SLC71A2: variants seen among roughly 807,000 people sequenced by gnomAD.
The protein encoded by SLC71A2 is solute carrier family 71 member 2.
At chr9:94,392,025 C>T in the SLC71A2 span, among the ~76,000 whole-genome samples, 23,018 of 152,084 alleles carry the variant, frequency 0.15, 2,410 homozygotes, top group Non-Finnish European at 0.22. Flanking sequence ...CCCCCCACCC[C>T]CTTTATTTTT....
the SLC71A2 span, chr9:94,456,342 G>T: frequency 6.2e-7 from 1 of 1,610,534 alleles, no homozygotes; most frequent in Non-Finnish European, 8.5e-7. Context: ...AGCAAGGTGA[G>T]GTCACTGCCC....
At chr9:94,390,474 A>G in the SLC71A2 span, among the ~76,000 whole-genome samples, 25 of 151,090 alleles carry the variant, frequency 1.7e-4, no homozygotes, top group African/African-American at 6.1e-4. Flanking sequence ...TATGTTTGTG[A>G]GCATTTTTTG....
chr9:94,458,488 T>G, the SLC71A2 span: 104 of 1,610,894 alleles, frequency 6.5e-5, 1 homozygote, highest in Non-Finnish European at 8.5e-5. Context: ...AAGTCTAGTT[T>G]TGTAACAACA....
chr9:94,405,367 C>T, the SLC71A2 span, among the ~76,000 whole-genome samples: 1 of 151,882 alleles, frequency 6.6e-6, no homozygotes, highest in African/African-American at 2.4e-5. Flanking sequence ...TGGTGGCGGG[C>T]GCCTGTAGTC....
the SLC71A2 span, among the ~76,000 whole-genome samples, chr9:94,389,707 A>G: frequency 1.4e-4 from 22 of 152,094 alleles, no homozygotes; most frequent in African/African-American, 5.3e-4. Flanking sequence ...CCTGGGCTTA[A>G]GTGATTCTCT....
the SLC71A2 span, among the ~76,000 whole-genome samples, chr9:94,402,985 T>TC: frequency 6.6e-6 from 1 of 152,170 alleles, no homozygotes; most frequent in African/African-American, 2.4e-5. Context: ...TAGAATTTTT[T>TC]CATCATCCCA....
the SLC71A2 span, among the ~76,000 whole-genome samples, chr9:94,383,961 A>G: frequency 6.6e-6 from 1 of 152,228 alleles, no homozygotes; most frequent in Non-Finnish European, 1.5e-5. Flanking sequence ...TTGCCAGCAT[A>G]TAGAAATACG....
At chr9:94,441,111 G>A in the SLC71A2 span, 8 of 1,412,500 alleles carry the variant, frequency 5.7e-6, no homozygotes, top group Non-Finnish European at 7.9e-6. Context: ...TAAGATAATA[G>A]ACTATATATA....
the SLC71A2 span, among the ~76,000 whole-genome samples, chr9:94,430,373 C>T: frequency 6.6e-6 from 1 of 152,034 alleles, no homozygotes; most frequent in Non-Finnish European, 1.5e-5. Flanking sequence ...CAGGTGCCCA[C>T]CACTACGCTC....
chr9:94,400,102 G>A, the SLC71A2 span, among the ~76,000 whole-genome samples: 2 of 151,946 alleles, frequency 1.3e-5, no homozygotes, highest in African/African-American at 2.4e-5. Context: ...GAGCCACTGC[G>A]CCCGGCCAGA....
chr9:94,458,343 C>G, the SLC71A2 span: 4 of 1,610,456 alleles, frequency 2.5e-6, no homozygotes, highest in South Asian at 2.2e-5. Flanking sequence ...GGGATCATAA[C>G]TGGAATAAGA....
chr9:94,454,460 C>T, the SLC71A2 span, among the ~76,000 whole-genome samples: 1 of 152,000 alleles, frequency 6.6e-6, no homozygotes, highest in Non-Finnish European at 1.5e-5. Flanking sequence ...CTCTACCACC[C>T]GGATTCAAGC....
At chr9:94,383,982 A>T in the SLC71A2 span, among the ~76,000 whole-genome samples, 27 of 152,334 alleles carry the variant, frequency 1.8e-4, no homozygotes, top group East Asian at 1.3e-3. Context: ...GTTGATTTTT[A>T]AAAAATTGTT....
the SLC71A2 span, among the ~76,000 whole-genome samples, chr9:94,405,315 G>GA: frequency 0.031 from 4,783 of 152,026 alleles, 261 homozygotes; most frequent in African/African-American, 0.11. Context: ...CTAACATGGT[G>GA]AAACCCCGTC....
At chr9:94,458,585 T>C in the SLC71A2 span, 4 of 982,006 alleles carry the variant, frequency 4.1e-6, no homozygotes, top group Non-Finnish European at 6.3e-6. Flanking sequence ...TTGGCAGCAA[T>C]AAGTATTGTG....
the SLC71A2 span, among the ~76,000 whole-genome samples, chr9:94,392,820 A>G: frequency 2.0e-5 from 3 of 148,908 alleles, no homozygotes; most frequent in Admixed American, 2.1e-4. Flanking sequence ...TTAAGTTAAG[A>G]TTACACAATG....
At chr9:94,446,940 A>G in the SLC71A2 span, 3 of 1,400,058 alleles carry the variant, frequency 2.1e-6, no homozygotes, top group Non-Finnish European at 3.0e-6. Context: ...CAGGCAGGTG[A>G]GTAGTGAGTG....
the SLC71A2 span, chr9:94,456,311 C>T: frequency 6.2e-7 from 1 of 1,614,130 alleles, no homozygotes; most frequent in Non-Finnish European, 8.5e-7. Context: ...GCCCTCGTCT[C>T]TCGGAATGCA....
At chr9:94,438,042 C>T in the SLC71A2 span, among the ~76,000 whole-genome samples, 16 of 152,302 alleles carry the variant, frequency 1.1e-4, no homozygotes, top group Middle Eastern at 3.4e-3. Context: ...GATTCTCCTG[C>T]CTCAGCCTCC....
Sources: allele counts gnomAD v4.1 joint callset (sites outside exome capture counted in the v4.1 genomes callset), GRCh38; gene constraint gnomAD v4.1.1; transcripts MANE v1.5; gene names NCBI Gene and HGNC (gene_info 2026-07-23, HGNC 2026-07-21).